The following FAM199X variants were observed in gnomAD, a reference collection of about 807,000 sequenced individuals.
FAM199X encodes the protein protein FAM199X.
In FAM199X, 4 loss-of-function variants were observed where a neutral mutation model predicts 22.9. That is an observed-to-expected ratio of 0.17 (90% CI 0.09 to 0.40). The LOEUF is 0.40. Among genes scored for constraint, FAM199X ranks in the 10% least tolerant of loss-of-function variants. The probability of loss-of-function intolerance (pLI) is 1.00; values close to 1 mark genes in which losing one functional copy is unlikely to be tolerated. For synonymous variants in FAM199X, 101 were observed against 112.3 expected (o/e 0.90, Z 0.64); for missense variants, 183 against 306.8 (o/e 0.60, Z 3.01).
chrX:104,182,015 T>C (rs1556377994), intron 2 of FAM199X, among the ~76,000 whole-genome samples: 3 of 100,576 alleles, frequency 3.0e-5, no homozygotes, highest in Non-Finnish European at 6.0e-5. Context: ...TGAGATGTAA[T>C]CTTACTCTGT....
upstream of FAM199X, among the ~76,000 whole-genome samples, chrX:104,162,015 G>A (rs1921054933): frequency 8.9e-6 from 1 of 112,265 alleles, no homozygotes; most frequent in African/African-American, 3.2e-5. Flanking sequence ...CCACTGAACA[G>A]TATGCAAACA....
rs942291855 is a variant in FAM199X, at chrX:104,179,644, C to T, written c.417+3802C>T. On this transcript the variant is annotated intron_variant, in intron 2 of 5. Transcript: ENST00000493442. ...TAATCTGGATGCCTTTTAATTCTTGCTTAATTGCCCTAGCTAGATCTCCTG... is the reference window on the plus strand; with the variant it reads ...TAATCTGGATGCCTTTTAATTCTTGTTTAATTGCCCTAGCTAGATCTCCTG... Among the ~76,000 whole-genome samples the T allele has an allele frequency of 8.1e-5, 9 of 111,540 alleles. No individual in the cohort carries two copies. The South Asian group carries it at 2.6e-3, about 33-fold the overall frequency.
chrX:104,163,560 G>T (rs1483945745), upstream of FAM199X, among the ~76,000 whole-genome samples: 1 of 111,538 alleles, frequency 9.0e-6, no homozygotes, highest in Non-Finnish European at 1.9e-5. Flanking sequence ...TTAAGAACTT[G>T]GTTAAGATGT....
At chrX:104,157,191 TC>T in the FAM199X span, among the ~76,000 whole-genome samples, 1 of 111,755 alleles carries the variant, frequency 8.9e-6, no homozygotes, top group Non-Finnish European at 1.9e-5. Context: ...TTGGAACATT[TC>T]CCCAGTTTGT....
chrX:104,172,179 A>G (rs1205603004), intron 1 of FAM199X, among the ~76,000 whole-genome samples: 1 of 106,031 alleles, frequency 9.4e-6, no homozygotes, highest in Non-Finnish European at 1.9e-5. Context: ...AGGTGGGAGG[A>G]TTGCTTGAGC....
Position 104,166,494 on chromosome X carries a change from G to C in FAM199X, c.-292G>C, listed in dbSNP as rs1921191140. 2 of 175,718 alleles carry C rather than the reference G, an allele frequency of 1.1e-5. No individual in the cohort carries two copies. Among genetic ancestry groups the C allele is most frequent in the East Asian group, 2.3e-4 (2 of 8,712 alleles). 14.5% of individuals were successfully genotyped at this position (175,718 alleles called of 1,213,427 possible). ...CGCAGTGGGCGGGGCGGGCCTGGCC[G>C]GGCCGGGCGGCGGCGCTGCGCTGAC... On this transcript the variant is annotated 5_prime_UTR_variant, in exon 1 of 6. Coordinates refer to ENST00000493442, the MANE Select transcript of FAM199X (RefSeq NM_207318.4).
At chrX:104,188,353 T>C (rs782409299) in intron 5 of FAM199X, 47 bp downstream of exon 5, 8 of 1,155,013 alleles carry the variant, frequency 6.9e-6, no homozygotes, top group Non-Finnish European at 8.2e-6. Context: ...ATATTAACAT[T>C]AGTACTCCTT....
In FAM199X at chrX:104,176,385, T is replaced by C. The variant is rs1284352722; in HGVS notation, c.417+543T>C. Reference sequence around the variant, plus strand: ...GGTAAATTGTTTGAAAATCCTGCCTTATAATAAGTGCAGTTTGTCAGAAAA... The same window carrying C: ...GGTAAATTGTTTGAAAATCCTGCCTCATAATAAGTGCAGTTTGTCAGAAAA... On this transcript the variant is annotated intron_variant, in intron 2 of 5. Transcript: ENST00000493442. Among the ~76,000 whole-genome samples the C allele has an allele frequency of 6.2e-5, 7 of 112,341 alleles. No homozygotes were observed. The East Asian group carries it at 1.7e-3, about 27-fold the overall frequency.
At chrX:104,158,501 C>G in the FAM199X span, among the ~76,000 whole-genome samples, 1 of 112,084 alleles carries the variant, frequency 8.9e-6, no homozygotes, top group Non-Finnish European at 1.9e-5. Context: ...CAATGAGACT[C>G]TTTAATATAC....
In FAM199X at chrX:104,186,468, T is replaced by C. The variant is rs1458036946; in HGVS notation, c.576T>C (p.Tyr192=). ...ATTTTTTCATCACATAGGTGGAATATATTGAGTATCTGAGTCGGAAAGTGA... is the reference window on the plus strand; with the variant it reads ...ATTTTTTCATCACATAGGTGGAATACATTGAGTATCTGAGTCGGAAAGTGA... The part of the protein sequence containing the change: ...SAMTNDEQVE[Y]IEYLSRKVST... Residue 192 remains tyrosine, a synonymous_variant, in exon 4 of 6, where the codon TAT becomes TAC. Coordinates refer to ENST00000493442, the MANE Select transcript of FAM199X (RefSeq NM_207318.4). The C allele has an allele frequency of 3.0e-5, 36 of 1,206,386 alleles. No homozygotes were observed. Among genetic ancestry groups the C allele is most frequent in the Non-Finnish European group, 4.0e-5 (36 of 894,096 alleles).
In FAM199X at chrX:104,189,773, A is replaced by G; in HGVS notation, c.1162A>G (p.Met388Val). The G allele has an allele frequency of 8.3e-7, 1 of 1,209,932 alleles. No homozygotes were observed. The highest frequency in any genetic ancestry group is 1.1e-6 in the Non-Finnish European group (1 of 894,518). Residue 388 changes from methionine to valine, a missense_variant, in exon 6 of 6, where the codon ATG (methionine) becomes GTG (valine). By Grantham distance (21) the Met-to-Val change is conservative. Coordinates refer to ENST00000493442, the MANE Select transcript of FAM199X (RefSeq NM_207318.4). ...CCATGAAGCAGATGTTGATGTTTTGATGTAATAAGGGTGAATTTATCAACG... is the reference window on the plus strand; with the variant it reads ...CCATGAAGCAGATGTTGATGTTTTGGTGTAATAAGGGTGAATTTATCAACG... ...EDHEADVDVL[M>V]
In FAM199X at chrX:104,188,306, A is replaced by G; in HGVS notation, c.996A>G (p.Lys332=). Residue 332 remains lysine, a splice_region_variant and synonymous_variant, in exon 5 of 6, where the codon AAA becomes AAG. Coordinates refer to ENST00000493442, the MANE Select transcript of FAM199X (RefSeq NM_207318.4). ...CAGCAGAGCGGATTCGGGATTCAAAAGTAAAACGTCTAATCAATACAAAAC... is the reference window on the plus strand; with the variant it reads ...CAGCAGAGCGGATTCGGGATTCAAAGGTAAAACGTCTAATCAATACAAAAC... ...ASAAERIRDS[K]KRSKQRKLQQ... The G allele has an allele frequency of 8.3e-7, 1 of 1,211,546 alleles. No homozygotes were observed. Among genetic ancestry groups the G allele is most frequent in the Non-Finnish European group, 1.1e-6 (1 of 895,111 alleles).
intron 2 of FAM199X, among the ~76,000 whole-genome samples, chrX:104,178,964 TA>T (rs1308848948): frequency 9.0e-6 from 1 of 110,738 alleles, no homozygotes; most frequent in Non-Finnish European, 1.9e-5. Flanking sequence ...CCTGTGTCTT[TA>T]AAAAAAATGC....
intron 1 of FAM199X, among the ~76,000 whole-genome samples, chrX:104,174,046 G>A (rs1431569211): frequency 4.5e-5 from 5 of 111,479 alleles, no homozygotes; most frequent in African/African-American, 1.3e-4. Context: ...AGGCTGGGGC[G>A]GACAGATGGC....
upstream of FAM199X, among the ~76,000 whole-genome samples, chrX:104,164,086 T>C (rs782529053): frequency 3.1e-4 from 35 of 113,089 alleles, 1 homozygote; most frequent in South Asian, 0.012. Context: ...AAAGCTCTTG[T>C]ACAAATGTAA....
chrX:104,177,786 T>C (rs782197122), intron 2 of FAM199X, among the ~76,000 whole-genome samples: 1 of 112,484 alleles, frequency 8.9e-6, no homozygotes, highest in Non-Finnish European at 1.9e-5. Context: ...GTTATTTTAC[T>C]TTTTATGGTT....
At chrX:104,185,107 A>G (rs1191356809) in intron 2 of FAM199X, among the ~76,000 whole-genome samples, 2 of 91,204 alleles carry the variant, frequency 2.2e-5, no homozygotes, top group Admixed American at 2.7e-4. Context: ...GGGTCTCGCC[A>G]CATTGCCTAG....
rs782612367 is a variant in FAM199X at position 104,189,798 on chromosome X, G to C, written c.*20G>C. On this transcript the variant is annotated 3_prime_UTR_variant, in exon 6 of 6. Transcript: ENST00000493442. ...ATGTAATAAGGGTGAATTTATCAAC[G>C]TTCTTTGTGAGCATTAAAATACTCC... The C allele has an allele frequency of 4.2e-6, 5 of 1,200,423 alleles. No homozygotes were observed. Among genetic ancestry groups the C allele is most frequent in the Non-Finnish European group, 4.5e-6 (4 of 890,013 alleles).
At chrX:104,165,312 A>G (rs1435604158), upstream of FAM199X, among the ~76,000 whole-genome samples, 1 of 112,270 alleles carries the variant, frequency 8.9e-6, no homozygotes, top group Admixed American at 9.4e-5. Context: ...TGTTTTCACT[A>G]TAAGTTGCAT....
Sources: gnomAD v4.1 joint callset for allele counts (sites outside exome capture counted in the v4.1 genomes callset) on GRCh38, gnomAD v4.1.1 for gene constraint, MANE v1.5 for transcripts, NCBI Gene and HGNC (gene_info 2026-07-23, HGNC 2026-07-21) for gene names.